PIP5K1B: variants seen among roughly 807,000 people sequenced by gnomAD.
The protein encoded by PIP5K1B is phosphatidylinositol 4-phosphate 5-kinase type-1 beta.
In PIP5K1B, 42 loss-of-function variants were observed where a neutral mutation model predicts 67.0. The observed-to-expected ratio is 0.63, with a 90% CI of 0.49 to 0.81. The LOEUF (loss-of-function observed/expected upper bound fraction) is 0.81. Among genes scored for constraint, PIP5K1B ranks in the 30% least tolerant of loss-of-function variants. PIP5K1B has a pLI of 0.00. For missense variants in PIP5K1B, 459 were observed against 646.3 expected, an observed-to-expected ratio of 0.71 and a Z score of 3.14; for synonymous variants, 214 against 231.4, an observed-to-expected ratio of 0.92 and a Z score of 0.68.
chr9:68,861,066 A>T, intron 4 of PIP5K1B, among the ~76,000 whole-genome samples: 1 of 152,344 alleles, frequency 6.6e-6, no homozygotes, highest in South Asian at 2.1e-4. Context: ...AATTGTTATT[A>T]TTCATATATC....
intron 14 of PIP5K1B, among the ~76,000 whole-genome samples, chr9:68,945,659 C>CA (rs1196701319): frequency 1.3e-5 from 2 of 152,176 alleles, no homozygotes; most frequent in Non-Finnish European, 2.9e-5. Context: ...ATTTAATTCT[C>CA]ACAGCAATTC....
intron 14 of PIP5K1B, among the ~76,000 whole-genome samples, chr9:68,972,370 T>C (rs1829417785): frequency 6.6e-6 from 1 of 152,198 alleles, no homozygotes; most frequent in South Asian, 2.1e-4. Flanking sequence ...ACCAGTACCA[T>C]GAAGAACAGC....
chr9:68,727,179 C>T (rs1828193973), intron 1 of PIP5K1B, among the ~76,000 whole-genome samples: 1 of 152,026 alleles, frequency 6.6e-6, no homozygotes, highest in Non-Finnish European at 1.5e-5. Context: ...GAGGAGAATC[C>T]TTGATATGGG....
chr9:68,947,431 A>T (rs1348548564), intron 14 of PIP5K1B, among the ~76,000 whole-genome samples: 1 of 152,234 alleles, frequency 6.6e-6, no homozygotes, highest in African/African-American at 2.4e-5. Context: ...CCACCTTCTC[A>T]TCCAACTCCT....
chr9:68,706,316 G>T (rs1827121146), intron 1 of PIP5K1B: 1 of 152,344 alleles, frequency 6.6e-6, no homozygotes, highest in Non-Finnish European at 1.5e-5. Context: ...TCAACATCTG[G>T]GGCAGGGGCT....
chr9:68,768,504 G>A (rs939252167), intron 2 of PIP5K1B, among the ~76,000 whole-genome samples: 2 of 152,204 alleles, frequency 1.3e-5, no homozygotes, highest in Non-Finnish European at 2.9e-5. Context: ...CCTGGGGAAG[G>A]AAGGCATAGA....
chr9:68,889,869 G>C (rs1824689115), intron 7 of PIP5K1B, among the ~76,000 whole-genome samples: 1 of 152,128 alleles, frequency 6.6e-6, no homozygotes, highest in Non-Finnish European at 1.5e-5. Flanking sequence ...CCAGTACGCA[G>C]TAATAGTATA....
chr9:68,740,287 C>G (rs1440837485), intron 1 of PIP5K1B, among the ~76,000 whole-genome samples: 1 of 152,202 alleles, frequency 6.6e-6, no homozygotes, highest in Non-Finnish European at 1.5e-5. Flanking sequence ...TACTTAAAGC[C>G]TTTAGGACAT....
intron 12 of PIP5K1B, among the ~76,000 whole-genome samples, chr9:68,928,806 A>G (rs1826838206): frequency 6.6e-6 from 1 of 152,190 alleles, no homozygotes; most frequent in Non-Finnish European, 1.5e-5. Flanking sequence ...ATCATGACCT[A>G]TAATGACCTA....
At chr9:68,971,688 T>A (rs1260344960) in intron 14 of PIP5K1B, among the ~76,000 whole-genome samples, 1 of 152,262 alleles carries the variant, frequency 6.6e-6, no homozygotes, top group Non-Finnish European at 1.5e-5. Context: ...ATCGCCATTC[T>A]AACTGGCGTG....
intron 2 of PIP5K1B, among the ~76,000 whole-genome samples, chr9:68,813,854 A>C (rs1185688486): frequency 6.6e-6 from 1 of 152,192 alleles, no homozygotes; most frequent in African/African-American, 2.4e-5. Context: ...CGAGTCTCAG[A>C]GGGAGCATGG....
chr9:68,988,794 CT>C (rs1348070315), intron 14 of PIP5K1B, among the ~76,000 whole-genome samples: 1 of 125,452 alleles, frequency 8.0e-6, no homozygotes, highest in Non-Finnish European at 1.8e-5. Context: ...GTGAACCTTA[CT>C]TCTTAAGATC....
At position 68,888,996 on chromosome 9, in the gene PIP5K1B, G is replaced by C. The variant is rs779039258; in HGVS notation, c.334G>C (p.Glu112Gln). 123 of 1,609,764 alleles carry C rather than the reference G, an allele frequency of 7.6e-5. No homozygotes were observed. Among genetic ancestry groups the C allele is most frequent in the Non-Finnish European group, 1.0e-4 (118 of 1,176,550 alleles). The change falls in exon 7 of 16, where the codon GAA (glutamate) becomes CAA (glutamine). Residue 112 changes from glutamate to glutamine, a missense_variant. By Grantham distance (29) the Glu-to-Gln change is conservative. Transcript: ENST00000265382. ...PDDYLYSICS[E>Q]PLIELSNPGA... Reference sequence around the variant, plus strand: ...ACCCTTTTAGTATTCCATCTGCAGTGAACCTCTAATAGAACTGTCTAACCC... The same window carrying C: ...ACCCTTTTAGTATTCCATCTGCAGTCAACCTCTAATAGAACTGTCTAACCC...
chr9:68,989,742 G>A (rs1450481064), intron 14 of PIP5K1B, among the ~76,000 whole-genome samples: 3 of 152,158 alleles, frequency 2.0e-5, no homozygotes, highest in Non-Finnish European at 4.4e-5. Flanking sequence ...CACTTTGGGA[G>A]GCCGTGGTGG....
intron 1 of PIP5K1B, among the ~76,000 whole-genome samples, chr9:68,734,887 C>A (rs1828648566): frequency 6.6e-6 from 1 of 152,216 alleles, no homozygotes; most frequent in Admixed American, 6.5e-5. Flanking sequence ...TGATACTGGG[C>A]AAATGGCAAA....
chr9:68,882,361 G>A (rs1267529150), intron 6 of PIP5K1B, among the ~76,000 whole-genome samples: 1 of 152,150 alleles, frequency 6.6e-6, no homozygotes, highest in Admixed American at 6.5e-5. Flanking sequence ...ACAGTTTATT[G>A]CACATTGATG....
intron 7 of PIP5K1B, among the ~76,000 whole-genome samples, chr9:68,889,671 C>G (rs981847304): frequency 2.0e-5 from 3 of 147,316 alleles, no homozygotes; most frequent in African/African-American, 7.5e-5. Context: ...GGAGGCGGAG[C>G]TTGCAGTGAA....
At chr9:68,809,551 C>A (rs979644163) in intron 2 of PIP5K1B, among the ~76,000 whole-genome samples, 3 of 152,144 alleles carry the variant, frequency 2.0e-5, no homozygotes, top group African/African-American at 7.2e-5. Flanking sequence ...GTTGGTAACC[C>A]TTTAGGTAAC....
chr9:68,864,785 A>G (rs192459884), intron 5 of PIP5K1B, among the ~76,000 whole-genome samples: 209 of 152,342 alleles, frequency 1.4e-3, no homozygotes, highest in Non-Finnish European at 2.0e-3. Flanking sequence ...AAAAATAAAG[A>G]TATTCAATTT....
Sources: gnomAD v4.1 joint callset for allele counts (sites outside exome capture counted in the v4.1 genomes callset) on GRCh38, gnomAD v4.1.1 for gene constraint, MANE v1.5 for transcripts, NCBI Gene and HGNC (gene_info 2026-07-23, HGNC 2026-07-21) for gene names.